CHM: variants seen among roughly 807,000 people sequenced by gnomAD.
CHM encodes the protein CHM Rab escort protein.
A neutral mutation model predicts 49.0 loss-of-function variants in CHM; 10 were observed. That is an observed-to-expected ratio of 0.20 (90% CI 0.13 to 0.35). The LOEUF (loss-of-function observed/expected upper bound fraction) is 0.35, where lower values mean the gene tolerates loss of function less well. Among genes scored for constraint, CHM ranks in the 10% least tolerant of loss-of-function variants. CHM has a pLI of 1.00. For synonymous variants in CHM, 184 were observed against 167.5 expected, an observed-to-expected ratio of 1.10 and a Z score of -0.76; for missense variants, 455 against 478.4, an observed-to-expected ratio of 0.95 and a Z score of 0.46.
At chrX:85,967,544 C>G (rs1359396443) in intron 4 of CHM, among the ~76,000 whole-genome samples, 2 of 111,344 alleles carry the variant, frequency 1.8e-5, no homozygotes, top group Non-Finnish European at 3.8e-5. Flanking sequence ...CCAATAAAAC[C>G]ATTACAAAGT....
intron 5 of CHM, among the ~76,000 whole-genome samples, chrX:85,961,218 G>A (rs1156253315): frequency 1.8e-5 from 2 of 109,758 alleles, no homozygotes; most frequent in East Asian, 2.9e-4. Context: ...TCAAGAGATC[G>A]AGACCATCCT....
intron 12 of CHM, among the ~76,000 whole-genome samples, chrX:85,884,061 GAT>G (rs1185528508): frequency 1.8e-5 from 2 of 110,540 alleles, no homozygotes; most frequent in Admixed American, 1.9e-4. Context: ...ATTCACTTAG[GAT>G]ATAAGATGAA....
At chrX:85,870,032 T>C (rs1440843880) in intron 14 of CHM, among the ~76,000 whole-genome samples, 1 of 112,164 alleles carries the variant, frequency 8.9e-6, no homozygotes, top group East Asian at 2.8e-4. Flanking sequence ...GAAAGTAGCA[T>C]ATAACACTGG....
At chrX:86,024,488 T>C (rs1321613148) in intron 2 of CHM, among the ~76,000 whole-genome samples, 3 of 111,884 alleles carry the variant, frequency 2.7e-5, no homozygotes, top group Non-Finnish European at 5.6e-5. Flanking sequence ...ATCACTAACA[T>C]AGGCAGCAGA....
intron 8 of CHM, among the ~76,000 whole-genome samples, chrX:85,924,787 A>T (rs1927990659): frequency 8.9e-6 from 1 of 111,852 alleles, no homozygotes; most frequent in African/African-American, 3.3e-5. Flanking sequence ...GGTTGTGGGC[A>T]GATGGACTGC....
At chrX:85,972,144 G>T (rs1295721021) in intron 4 of CHM, among the ~76,000 whole-genome samples, 2 of 109,083 alleles carry the variant, frequency 1.8e-5, no homozygotes. Flanking sequence ...GTTCTCCAAG[G>T]CCCCACCACA....
At chrX:86,035,787 ATT>A (rs1172786407) in intron 1 of CHM, among the ~76,000 whole-genome samples, 4 of 76,774 alleles carry the variant, frequency 5.2e-5, no homozygotes, top group Admixed American at 1.5e-4. Flanking sequence ...AAAAGAGTTC[ATT>A]TTTTTTTTTT....
At chrX:85,886,675 G>A (rs922563005) in intron 12 of CHM, among the ~76,000 whole-genome samples, 1 of 110,779 alleles carries the variant, frequency 9.0e-6, no homozygotes, top group Non-Finnish European at 1.9e-5. Flanking sequence ...GACAGACTGA[G>A]AACAGAACAA....
intron 14 of CHM, among the ~76,000 whole-genome samples, chrX:85,866,808 T>C (rs1049845992): frequency 1.8e-5 from 2 of 113,393 alleles, no homozygotes; most frequent in South Asian, 7.2e-4. Context: ...CGGCTGGGTT[T>C]TGGACTTGCA....
intron 4 of CHM, among the ~76,000 whole-genome samples, chrX:85,974,823 A>T (rs1316280472): frequency 9.0e-6 from 1 of 111,379 alleles, no homozygotes; most frequent in Non-Finnish European, 1.9e-5. Context: ...AATCAAAATA[A>T]TAATAATTGA....
intron 8 of CHM, among the ~76,000 whole-genome samples, chrX:85,944,012 T>A (rs1051319028): frequency 8.9e-6 from 1 of 111,843 alleles, no homozygotes; most frequent in Non-Finnish European, 1.9e-5. Context: ...TAACTCCAAC[T>A]TGTTAAGGTA....
intron 8 of CHM, among the ~76,000 whole-genome samples, chrX:85,926,353 T>A (rs1928078522): frequency 9.0e-6 from 1 of 111,513 alleles, no homozygotes; most frequent in East Asian, 2.8e-4. Context: ...AATTCAAATG[T>A]TCACTGGCTC....
chrX:85,908,892 T>C (rs1926762379), intron 9 of CHM, among the ~76,000 whole-genome samples: 1 of 112,063 alleles, frequency 8.9e-6, no homozygotes, highest in Non-Finnish European at 1.9e-5. Context: ...TGAGAATGGC[T>C]TACATTTGAG....
In CHM at chrX:86,014,253, A is replaced by G. The variant is rs185409826; in HGVS notation, c.116+13238T>C. Reference sequence around the variant, plus strand: ...ATAAGAGACAGGCAACATTAAAAAAACTATATCGGCACTTTCCTCCCAATA... The same window carrying G: ...ATAAGAGACAGGCAACATTAAAAAAGCTATATCGGCACTTTCCTCCCAATA... On this transcript the variant is annotated intron_variant, in intron 2 of 14. Coordinates refer to ENST00000357749, the MANE Select transcript of CHM (RefSeq NM_000390.4). 3.6e-5 allele frequency among the ~76,000 whole-genome samples: 4 copies of G among 112,313 alleles called. No homozygotes were observed. The East Asian group carries it at 1.1e-3, about 31-fold the overall frequency.
At chrX:85,914,101 C>A (rs1183799850) in intron 8 of CHM, among the ~76,000 whole-genome samples, 1 of 111,127 alleles carries the variant, frequency 9.0e-6, no homozygotes. Flanking sequence ...ATGCAGGAGC[C>A]CCTATGAGCC....
At chrX:86,005,862 G>T (rs1427233690) in intron 2 of CHM, among the ~76,000 whole-genome samples, 1 of 111,823 alleles carries the variant, frequency 8.9e-6, no homozygotes, top group East Asian at 2.8e-4. Context: ...CAATCCTTCT[G>T]AAACTATTCC....
chrX:85,940,607 A>G (rs1240257537), intron 8 of CHM, among the ~76,000 whole-genome samples: 3 of 88,137 alleles, frequency 3.4e-5, no homozygotes, highest in Non-Finnish European at 7.0e-5. Flanking sequence ...TTTCCCCAAC[A>G]CAGAGAAAAT....
chrX:85,978,801 T>C lies in CHM; in HGVS notation c.280A>G (p.Thr94Ala). 2 of 1,206,988 alleles carry C rather than the reference T, an allele frequency of 1.7e-6. No homozygotes were observed. Among genetic ancestry groups the C allele is most frequent in the Non-Finnish European group, 2.2e-6 (2 of 891,908 alleles). Residue 94 changes from threonine (T) to alanine (A), a missense_variant, in exon 4 of 15, where the codon ACT (threonine) becomes GCT (alanine). Physicochemically the swap from Thr to Ala is moderately conservative, Grantham distance 58. Transcript: ENST00000357749. ...CAAAATACTTCCACATGTTGAATAGTTTTGTCCTTCCTGCTAAGAGCAATG... is the reference window on the plus strand; with the variant it reads ...CAAAATACTTCCACATGTTGAATAGCTTTGTCCTTCCTGCTAAGAGCAATG... The part of the protein sequence containing the change: ...EAIALSRKDK[T>A]IQHVEVFCYA...
chrX:86,010,130 G>T (rs1224573875), intron 2 of CHM, among the ~76,000 whole-genome samples: 1 of 93,131 alleles, frequency 1.1e-5, no homozygotes, highest in Non-Finnish European at 2.1e-5. Context: ...AGTGGGAGTT[G>T]AACAATGAGA....
Sources: gnomAD v4.1 joint callset for allele counts (sites outside exome capture counted in the v4.1 genomes callset) on GRCh38, gnomAD v4.1.1 for gene constraint, MANE v1.5 for transcripts, NCBI Gene and HGNC (gene_info 2026-07-23, HGNC 2026-07-21) for gene names.